The following BICC1 variants were observed in gnomAD, a reference collection of about 807,000 sequenced individuals.
The protein encoded by BICC1 is BicC family RNA binding protein 1.
In BICC1, 43 loss-of-function variants were observed where a neutral mutation model predicts 111.0. That is an observed-to-expected ratio of 0.39 (90% CI 0.30 to 0.50). BICC1 has a LOEUF of 0.50. Among genes scored for constraint, BICC1 ranks in the 20% least tolerant of loss-of-function variants. The pLI, the probability that BICC1 is intolerant of heterozygous loss-of-function variation, is 0.88. For missense variants in BICC1, 1,091 were observed against 1,203.2 expected (o/e 0.91, Z 1.38); for synonymous variants, 467 against 434.4 (o/e 1.07, Z -0.93).
At chr10:58,579,540 A>G (rs1844209951) in intron 1 of BICC1, among the ~76,000 whole-genome samples, 1 of 152,148 alleles carries the variant, frequency 6.6e-6, no homozygotes, top group Admixed American at 6.5e-5. Context: ...TCCTAGCCTC[A>G]CTAGCTCTGA....
chr10:58,745,671 A>C (rs1485459605), intron 3 of BICC1, among the ~76,000 whole-genome samples: 1 of 129,710 alleles, frequency 7.7e-6, no homozygotes, highest in Non-Finnish European at 1.5e-5. Context: ...CTGTAGTCAC[A>C]TCTCTCTCTG....
At chr10:58,649,702 C>T (rs189312557) in intron 2 of BICC1, among the ~76,000 whole-genome samples, 168 of 152,228 alleles carry the variant, frequency 1.1e-3, no homozygotes, top group Non-Finnish European at 1.8e-3. Flanking sequence ...TCCCTTTTTC[C>T]TCTGAATAGC....
intron 1 of BICC1, among the ~76,000 whole-genome samples, chr10:58,528,563 T>G (rs185798512): frequency 6.6e-6 from 1 of 152,034 alleles, no homozygotes; most frequent in African/African-American, 2.4e-5. Context: ...TTCTCAAAAT[T>G]AAGAATAACC....
chr10:58,685,901 GTTA>G (rs1165786476), intron 2 of BICC1, among the ~76,000 whole-genome samples: 26 of 152,102 alleles, frequency 1.7e-4, no homozygotes, highest in Admixed American at 1.4e-3. Flanking sequence ...TTTTGATCCT[GTTA>G]TTATGATGTT....
At chr10:58,740,736 A>G (rs939266430) in intron 3 of BICC1, among the ~76,000 whole-genome samples, 4 of 152,212 alleles carry the variant, frequency 2.6e-5, no homozygotes, top group Non-Finnish European at 5.9e-5. Context: ...AGGAGTGACT[A>G]ACTCATTCTG....
chr10:58,806,236 CATT>C (rs972902588), intron 15 of BICC1, among the ~76,000 whole-genome samples: 5 of 152,072 alleles, frequency 3.3e-5, no homozygotes, highest in African/African-American at 1.2e-4. Context: ...TCAAAACCCA[CATT>C]ATTATTATTA....
At position 58,817,691 on chromosome 10, in the gene BICC1, G is replaced by A; in HGVS notation, c.2663G>A (p.Gly888Asp). 1 of 1,611,974 alleles carries A rather than the reference G, an allele frequency of 6.2e-7. No homozygotes were observed. The highest frequency in any genetic ancestry group is 8.5e-7 in the Non-Finnish European group (1 of 1,179,010). The stretch of plus-strand genomic sequence containing the variant: ...GAGCTCTTCAGCAAACTGGGCCTGG[G>A]CAAATACACAGATGTTTTCCAGCAA... ...LPELFSKLGL[G>D]KYTDVFQQQE... The change falls in exon 19 of 21, where the codon GGC (glycine) becomes GAC (aspartate). Residue 888 changes from glycine to aspartate, a missense_variant. Coordinates refer to ENST00000373886, the MANE Select transcript of BICC1 (RefSeq NM_001080512.3).
At chr10:58,661,307 T>C (rs1024379794) in intron 2 of BICC1, among the ~76,000 whole-genome samples, 2 of 152,068 alleles carry the variant, frequency 1.3e-5, no homozygotes, top group Non-Finnish European at 2.9e-5. Flanking sequence ...GTTAGTTCCA[T>C]GTCATTTCTC....
intron 2 of BICC1, among the ~76,000 whole-genome samples, chr10:58,629,237 A>C (rs1448317303): frequency 1.3e-5 from 2 of 152,202 alleles, no homozygotes; most frequent in African/African-American, 4.8e-5. Context: ...TTCACAGAAG[A>C]ATCAATGCAG....
chr10:58,806,989 A>G lies in BICC1; in HGVS notation c.2222-15A>G, dbSNP rs1299306813. On this transcript the variant is annotated splice_polypyrimidine_tract_variant and intron_variant, in intron 16 of 20. Coordinates refer to ENST00000373886, the MANE Select transcript of BICC1 (RefSeq NM_001080512.3). Reference sequence around the variant, plus strand: ...ATTAAACATACCAAGCATTGGTTTTATTTTGTTTCCAAAGCTATGTTAAAG... The same window carrying G: ...ATTAAACATACCAAGCATTGGTTTTGTTTTGTTTCCAAAGCTATGTTAAAG... 1.2e-6 allele frequency: 2 copies of G among 1,606,002 alleles called. No individual in the cohort carries two copies. The highest frequency in any genetic ancestry group is 3.4e-5 in the Admixed American group (2 of 58,688).
At position 58,587,760 on chromosome 10, in the gene BICC1, T is replaced by C. The variant is rs184420164; in HGVS notation, c.191-33095T>C. ...AAGTGGCGGAGTAGTATAAATAGGGTTTGGCTGGCTAAAAAGCTCCATTTA... is the reference window on the plus strand; with the variant it reads ...AAGTGGCGGAGTAGTATAAATAGGGCTTGGCTGGCTAAAAAGCTCCATTTA... On this transcript the variant is annotated intron_variant, in intron 1 of 20. Coordinates refer to ENST00000373886, the MANE Select transcript of BICC1 (RefSeq NM_001080512.3). 2.1e-3 allele frequency among the ~76,000 whole-genome samples: 322 copies of C among 152,304 alleles called. 3 individuals carry two copies. Among genetic ancestry groups the C allele is most frequent in the African/African-American group, 7.3e-3 (304 of 41,578 alleles).
At chr10:58,672,142 T>C (rs1839203564) in intron 2 of BICC1, among the ~76,000 whole-genome samples, 1 of 152,190 alleles carries the variant, frequency 6.6e-6, no homozygotes, top group South Asian at 2.1e-4. Context: ...TCAGTGGCAT[T>C]GAGTATATTC....
intron 20 of BICC1, among the ~76,000 whole-genome samples, chr10:58,822,642 A>G (rs932469015): frequency 6.6e-6 from 1 of 152,174 alleles, no homozygotes; most frequent in African/African-American, 2.4e-5. Flanking sequence ...TTTTAAGAAT[A>G]ATTTTGTCTT....
At chr10:58,616,492 G>A (rs1845611442) in intron 1 of BICC1, among the ~76,000 whole-genome samples, 1 of 152,212 alleles carries the variant, frequency 6.6e-6, no homozygotes, top group African/African-American at 2.4e-5. Context: ...AGCCAGGTGG[G>A]GGTGTAAAGC....
intron 3 of BICC1, among the ~76,000 whole-genome samples, chr10:58,766,254 T>G (rs1388743070): frequency 6.6e-6 from 1 of 151,888 alleles, no homozygotes; most frequent in African/African-American, 2.4e-5. Context: ...CCAAATCTAG[T>G]CTTGGATATA....
intron 2 of BICC1, among the ~76,000 whole-genome samples, chr10:58,696,292 T>C (rs920462805): frequency 2.6e-5 from 4 of 152,086 alleles, no homozygotes; most frequent in African/African-American, 9.7e-5. Flanking sequence ...CATGCTATCT[T>C]CATCAGATTT....
chr10:58,657,234 G>A (rs1413325333), intron 2 of BICC1, among the ~76,000 whole-genome samples: 1 of 152,150 alleles, frequency 6.6e-6, no homozygotes, highest in African/African-American at 2.4e-5. Flanking sequence ...ATCACAGGGA[G>A]CTGGAAATGA....
intron 1 of BICC1, among the ~76,000 whole-genome samples, chr10:58,604,826 C>G (rs547038855): frequency 6.6e-6 from 1 of 152,134 alleles, no homozygotes; most frequent in Non-Finnish European, 1.5e-5. Flanking sequence ...AAATTTATTT[C>G]TCACAGTTCT....
intron 14 of BICC1, among the ~76,000 whole-genome samples, 166 bp from the exon 15 acceptor site, chr10:58,802,911 G>A (rs1259277044): frequency 1.3e-5 from 2 of 152,114 alleles, no homozygotes; most frequent in Non-Finnish European, 2.9e-5. Flanking sequence ...CACAAAGTGG[G>A]GATAACAGTA....
Sources: allele counts gnomAD v4.1 joint callset (sites outside exome capture counted in the v4.1 genomes callset), GRCh38; gene constraint gnomAD v4.1.1; transcripts MANE v1.5; gene names NCBI Gene and HGNC (gene_info 2026-07-23, HGNC 2026-07-21).